Variants in PTPRT observed in about 807,000 individuals in gnomAD.
PTPRT encodes the protein protein tyrosine phosphatase receptor type T.
Under a neutral mutation model 176.8 loss-of-function variants are expected in PTPRT, and 56 were observed. That is an observed-to-expected ratio of 0.32 (90% confidence interval 0.26 to 0.40). The LOEUF (loss-of-function observed/expected upper bound fraction) is 0.40, where lower values mean the gene tolerates loss of function less well. Among genes scored for constraint, PTPRT ranks in the 10% least tolerant of loss-of-function variants. The probability of loss-of-function intolerance (pLI) is 1.00; values close to 1 mark genes in which losing one functional copy is unlikely to be tolerated. For synonymous variants in PTPRT, 783 were observed against 739.0 expected, an observed-to-expected ratio of 1.06 and a Z score of -0.96; for missense variants, 1,540 against 1,908.2, an observed-to-expected ratio of 0.81 and a Z score of 3.60.
At chr20:42,446,619 TGTGAGA>T (rs1358410782) in intron 9 of PTPRT, among the ~76,000 whole-genome samples, 10 of 144,282 alleles carry the variant, frequency 6.9e-5, no homozygotes, top group East Asian at 6.0e-4. Flanking sequence ...TGTGTGTGTG[TGTGAGA>T]GAGAGAGAGA....
chr20:42,285,137 A>T lies in PTPRT; in HGVS notation c.2140-2612T>A, dbSNP rs1418169031. Among the ~76,000 whole-genome samples, 4 of 152,028 alleles carry T rather than the reference A, an allele frequency of 2.6e-5. No individual in the cohort carries two copies. The East Asian group carries it at 7.7e-4, about 29-fold the overall frequency. Reference sequence around the variant, plus strand: ...AGGTTTTCAGCTTCTGTTGGCTTCCATTCCAATAGCACCATACCCTGTGTT... The same window carrying T: ...AGGTTTTCAGCTTCTGTTGGCTTCCTTTCCAATAGCACCATACCCTGTGTT... On this transcript the variant is annotated intron_variant, in intron 12 of 30. Coordinates refer to ENST00000373187, the MANE Select transcript of PTPRT (RefSeq NM_007050.6).
intron 8 of PTPRT, among the ~76,000 whole-genome samples, chr20:42,468,094 G>C (rs1471909879): frequency 2.0e-5 from 3 of 152,200 alleles, no homozygotes; most frequent in African/African-American, 7.2e-5. Flanking sequence ...AAGCCATGGG[G>C]CTCAGCAGCC....
intron 1 of PTPRT, among the ~76,000 whole-genome samples, chr20:42,937,350 C>T (rs557329610): frequency 1.6e-4 from 24 of 152,144 alleles, no homozygotes; most frequent in Admixed American, 4.6e-4. Context: ...ATCTTTCCCA[C>T]GTGTGCCTGT....
chr20:42,732,729 C>T (rs1017761539), intron 6 of PTPRT, among the ~76,000 whole-genome samples: 2 of 152,110 alleles, frequency 1.3e-5, no homozygotes, highest in African/African-American at 2.4e-5. Context: ...ATTGAAAGTC[C>T]GATGCTTGGG....
intron 2 of PTPRT, among the ~76,000 whole-genome samples, chr20:42,869,293 A>G (rs1401567611): frequency 6.6e-6 from 1 of 152,092 alleles, no homozygotes; most frequent in Non-Finnish European, 1.5e-5. Flanking sequence ...AGCCTGGGAG[A>G]GAGACAGGCA....
intron 6 of PTPRT, among the ~76,000 whole-genome samples, chr20:42,733,136 C>T (rs1460503377): frequency 6.6e-6 from 1 of 152,200 alleles, no homozygotes; most frequent in Admixed American, 6.5e-5. Context: ...AAGCAACTCC[C>T]TCTCTAGACA....
intron 12 of PTPRT, among the ~76,000 whole-genome samples, chr20:42,284,189 A>G (rs1289418214): frequency 6.6e-6 from 1 of 152,114 alleles, no homozygotes; most frequent in Non-Finnish European, 1.5e-5. Context: ...TCTTATTGAT[A>G]CATGATTATA....
intron 6 of PTPRT, among the ~76,000 whole-genome samples, chr20:42,728,775 C>T (rs574869530): frequency 6.6e-6 from 1 of 152,308 alleles, no homozygotes; most frequent in Non-Finnish European, 1.5e-5. Context: ...CCCTTCATTG[C>T]AATTCTTGGT....
At chr20:42,430,182 C>T (rs1291649320) in intron 9 of PTPRT, among the ~76,000 whole-genome samples, 1 of 152,136 alleles carries the variant, frequency 6.6e-6, no homozygotes, top group African/African-American at 2.4e-5. Flanking sequence ...GGTCCACGGT[C>T]CACAGATATA....
At chr20:42,364,522 T>A (rs942845767) in intron 9 of PTPRT, among the ~76,000 whole-genome samples, 7 of 152,188 alleles carry the variant, frequency 4.6e-5, no homozygotes, top group Non-Finnish European at 1.0e-4. Flanking sequence ...GATGAACATT[T>A]TTTTTTCTCC....
At chr20:42,503,387 C>G (rs945950418) in intron 7 of PTPRT, among the ~76,000 whole-genome samples, 3 of 151,964 alleles carry the variant, frequency 2.0e-5, no homozygotes, top group African/African-American at 2.4e-5. Flanking sequence ...TATGATCATT[C>G]AATTCTAAAT....
intron 16 of PTPRT, among the ~76,000 whole-genome samples, chr20:42,168,178 AGGAGG>A (rs1989913221): frequency 6.6e-6 from 1 of 152,084 alleles, no homozygotes; most frequent in African/African-American, 2.4e-5. Context: ...GAGGAGGAGG[AGGAGG>A]AGGAAGAAGA....
At chr20:42,464,601 T>C (rs1298021091) in intron 8 of PTPRT, among the ~76,000 whole-genome samples, 1 of 152,188 alleles carries the variant, frequency 6.6e-6, no homozygotes, top group Non-Finnish European at 1.5e-5. Flanking sequence ...AAAACATAAT[T>C]GCATTTCTCT....
chr20:43,027,793 C>A (rs942345525), intron 1 of PTPRT, among the ~76,000 whole-genome samples: 1 of 152,124 alleles, frequency 6.6e-6, no homozygotes, highest in Non-Finnish European at 1.5e-5. Context: ...ACATGTGTAA[C>A]TCACTTCTAT....
chr20:43,124,541 G>A (rs1008979417), intron 1 of PTPRT, among the ~76,000 whole-genome samples: 3 of 152,168 alleles, frequency 2.0e-5, no homozygotes, highest in African/African-American at 7.2e-5. Context: ...TAGACTTAAT[G>A]AGTAGTCACA....
At chr20:42,942,741 G>A (rs1254971133) in intron 1 of PTPRT, among the ~76,000 whole-genome samples, 1 of 152,130 alleles carries the variant, frequency 6.6e-6, no homozygotes, top group East Asian at 1.9e-4. Context: ...ACTCTTCCAA[G>A]CCTCAATATT....
intron 6 of PTPRT, chr20:42,688,113 T>G (rs1488355184): frequency 1.3e-5 from 2 of 152,316 alleles, no homozygotes; most frequent in East Asian, 1.9e-4. Context: ...GCCAGCTGGC[T>G]TTGGTCCAGT....
chr20:42,697,555 G>C (rs552260753), intron 6 of PTPRT, among the ~76,000 whole-genome samples: 1 of 152,182 alleles, frequency 6.6e-6, no homozygotes, highest in Non-Finnish European at 1.5e-5. Context: ...AAACAGACAC[G>C]GCCATGGGGC....
At chr20:42,975,729 G>A (rs1600613148) in intron 1 of PTPRT, among the ~76,000 whole-genome samples, 2 of 152,214 alleles carry the variant, frequency 1.3e-5, no homozygotes, top group Admixed American at 1.3e-4. Context: ...TAGATGGGTG[G>A]GAAATCTGGC....
Sources: allele counts gnomAD v4.1 joint callset (sites outside exome capture counted in the v4.1 genomes callset), GRCh38; gene constraint gnomAD v4.1.1; transcripts MANE v1.5; gene names NCBI Gene and HGNC (gene_info 2026-07-23, HGNC 2026-07-21).